The following SLC35F1 variants were observed in gnomAD, a reference collection of about 807,000 sequenced individuals.
SLC35F1 encodes the protein solute carrier family 35 member F1.
In SLC35F1, 14 loss-of-function variants were observed where a neutral mutation model predicts 48.7. The observed-to-expected ratio is 0.29, with a 90% CI of 0.19 to 0.45. The LOEUF (loss-of-function observed/expected upper bound fraction) is 0.45. Among genes scored for constraint, SLC35F1 ranks in the 20% least tolerant of loss-of-function variants. The probability of loss-of-function intolerance (pLI) is 1.00; values close to 1 mark genes in which losing one functional copy is unlikely to be tolerated. For missense variants in SLC35F1, 404 were observed against 500.0 expected (o/e 0.81, Z 1.83); for synonymous variants, 190 against 202.2 (o/e 0.94, Z 0.51).
intron 1 of SLC35F1, among the ~76,000 whole-genome samples, chr6:118,046,284 A>G (rs982933052): frequency 6.6e-6 from 1 of 152,194 alleles, no homozygotes; most frequent in Non-Finnish European, 1.5e-5. Context: ...GCATAACACC[A>G]GTGAAGCTGT....
intron 3 of SLC35F1, among the ~76,000 whole-genome samples, chr6:118,260,293 G>C (rs1459105155): frequency 2.6e-5 from 4 of 152,086 alleles, no homozygotes; most frequent in African/African-American, 9.7e-5. Context: ...TCTGAAATTA[G>C]ATAGTAGTGA....
intron 2 of SLC35F1, among the ~76,000 whole-genome samples, chr6:118,218,912 G>A (rs973706819): frequency 6.6e-6 from 1 of 152,178 alleles, no homozygotes; most frequent in Admixed American, 6.5e-5. Flanking sequence ...ATTTCTATCT[G>A]TGGGTACATA....
intron 7 of SLC35F1, among the ~76,000 whole-genome samples, chr6:118,297,056 A>T (rs1437215665): frequency 6.6e-6 from 1 of 152,224 alleles, no homozygotes; most frequent in Non-Finnish European, 1.5e-5. Flanking sequence ...TCTAGGGGCC[A>T]CCAAGGACTG....
In SLC35F1 at chr6:117,907,731, TC is replaced by T. The variant is rs1775707928; in HGVS notation, c.11del (p.Pro4LeufsTer20). 1.3e-6 allele frequency: 2 copies of T among 1,523,344 alleles called. No individual in the cohort carries two copies. The highest frequency in any genetic ancestry group is 1.2e-5 in the South Asian group (1 of 85,530). 94.4% of individuals were successfully genotyped at this position (1,523,344 alleles called of 1,614,324 possible). M[I>X]PPEQPQQQLQ... ...CGCGCCTCAGCCTCTGCCGCGATGA[TC>T]CCCCCTGAGCAGCCGCAGCAGCAGC... On this transcript the variant is annotated frameshift_variant, in exon 1 of 8. Transcript: ENST00000360388. LOFTEE classifies it high-confidence loss of function.
intron 1 of SLC35F1, among the ~76,000 whole-genome samples, chr6:118,006,441 A>AC (rs1777175764): frequency 6.6e-6 from 1 of 151,924 alleles, no homozygotes; most frequent in South Asian, 2.1e-4. Flanking sequence ...ACATGATGAG[A>AC]CCCCATCTCT....
intron 1 of SLC35F1, among the ~76,000 whole-genome samples, chr6:117,957,969 G>A (rs115405947): frequency 1.7e-4 from 26 of 152,168 alleles, no homozygotes; most frequent in African/African-American, 5.3e-4. Context: ...GAGGTGTTCC[G>A]AAAGAAGGCA....
chr6:118,216,695 A>T (rs1432200644), intron 2 of SLC35F1, among the ~76,000 whole-genome samples: 1 of 152,162 alleles, frequency 6.6e-6, no homozygotes, highest in Non-Finnish European at 1.5e-5. Context: ...TATTGTCTTT[A>T]TTTGAAGACT....
At chr6:118,195,826 A>G (rs1306972778) in intron 2 of SLC35F1, among the ~76,000 whole-genome samples, 1 of 152,116 alleles carries the variant, frequency 6.6e-6, no homozygotes, top group East Asian at 1.9e-4. Context: ...GAACTTACCC[A>G]TGATTCCCAG....
intron 1 of SLC35F1, among the ~76,000 whole-genome samples, chr6:118,137,847 C>G (rs1021243065): frequency 2.6e-5 from 4 of 152,156 alleles, no homozygotes; most frequent in African/African-American, 9.7e-5. Flanking sequence ...AATCTTCCCC[C>G]AACTTGATAG....
At chr6:117,961,593 A>G (rs1291407702) in intron 1 of SLC35F1, among the ~76,000 whole-genome samples, 1 of 152,194 alleles carries the variant, frequency 6.6e-6, no homozygotes, top group Non-Finnish European at 1.5e-5. Context: ...CTCAGTTAAC[A>G]TAAAGCACAG....
At chr6:118,277,251 A>G (rs1255939817) in intron 5 of SLC35F1, among the ~76,000 whole-genome samples, 2 of 152,162 alleles carry the variant, frequency 1.3e-5, no homozygotes, top group Admixed American at 1.3e-4. Flanking sequence ...GGGTGAGAAG[A>G]GCAGGAAGGG....
chr6:117,922,379 C>G (rs1178010735), intron 1 of SLC35F1, among the ~76,000 whole-genome samples: 1 of 152,128 alleles, frequency 6.6e-6, no homozygotes. Context: ...ATACATCACC[C>G]TGGGAAAATT....
chr6:118,294,754 G>T (rs1043379632), intron 7 of SLC35F1, among the ~76,000 whole-genome samples: 2 of 151,978 alleles, frequency 1.3e-5, no homozygotes. Flanking sequence ...AATATCTTAG[G>T]AAGATATGGG....
At chr6:117,934,015 G>A (rs539719750) in intron 1 of SLC35F1, among the ~76,000 whole-genome samples, 1 of 152,076 alleles carries the variant, frequency 6.6e-6, no homozygotes, top group African/African-American at 2.4e-5. Flanking sequence ...GTTGATCATG[G>A]GTTTGCTCCG....
At chr6:118,211,862 G>C (rs1024578805) in intron 2 of SLC35F1, among the ~76,000 whole-genome samples, 1 of 152,120 alleles carries the variant, frequency 6.6e-6, no homozygotes, top group Non-Finnish European at 1.5e-5. Context: ...GATATTAACT[G>C]TTTATTTTCT....
intron 3 of SLC35F1, among the ~76,000 whole-genome samples, chr6:118,243,914 C>G (rs1186153942): frequency 6.6e-6 from 1 of 152,192 alleles, no homozygotes; most frequent in African/African-American, 2.4e-5. Context: ...CATTAAAAGG[C>G]AAAGCTTTTA....
intron 1 of SLC35F1, among the ~76,000 whole-genome samples, chr6:118,069,054 T>C (rs1352085554): frequency 3.3e-5 from 5 of 152,164 alleles, no homozygotes; most frequent in African/African-American, 9.6e-5. Context: ...CTGTGTTAGA[T>C]TGAGATAGTT....
intron 2 of SLC35F1, among the ~76,000 whole-genome samples, chr6:118,178,679 G>A (rs1774528108): frequency 6.6e-6 from 1 of 151,956 alleles, no homozygotes. Context: ...ACAGGAGACT[G>A]ACAATACCAA....
At chr6:118,309,779 C>A (rs972525834) in intron 7 of SLC35F1, among the ~76,000 whole-genome samples, 5 of 152,236 alleles carry the variant, frequency 3.3e-5, no homozygotes, top group South Asian at 2.1e-4. Flanking sequence ...CCACATCAAC[C>A]AAATAGCAAT....
Sources: gnomAD v4.1 joint callset for allele counts (sites outside exome capture counted in the v4.1 genomes callset) on GRCh38, gnomAD v4.1.1 for gene constraint, MANE v1.5 for transcripts, NCBI Gene and HGNC (gene_info 2026-07-23, HGNC 2026-07-21) for gene names.